Variants in ZCWPW2 observed in about 807,000 individuals in gnomAD.
ZCWPW2 encodes the protein zinc finger CW-type and PWWP domain containing 2, also known as zinc finger CW-type PWWP domain protein 2.
Under a neutral mutation model 46.6 loss-of-function variants are expected in ZCWPW2, and 45 were observed. The observed-to-expected ratio is 0.96, with a 90% CI of 0.76 to 1.24. The LOEUF (loss-of-function observed/expected upper bound fraction) is 1.24, where lower values mean the gene tolerates loss of function less well. ZCWPW2 is among the 50% of genes most tolerant of loss of function. The probability of loss-of-function intolerance (pLI) is 0.00; values close to 1 mark genes in which losing one functional copy is unlikely to be tolerated. For missense variants in ZCWPW2, 429 were observed against 403.9 expected (o/e 1.06, Z -0.53); for synonymous variants, 152 against 137.1 (o/e 1.11, Z -0.76).
chr3:28,490,429 T>G (rs1465172413), intron 5 of ZCWPW2, among the ~76,000 whole-genome samples: 2 of 152,126 alleles, frequency 1.3e-5, no homozygotes. Context: ...TAGATGCCCA[T>G]CAATTGTAGA....
At chr3:28,372,785 G>C (rs34669561) in intron 1 of ZCWPW2, among the ~76,000 whole-genome samples, 2 of 151,956 alleles carry the variant, frequency 1.3e-5, no homozygotes, top group South Asian at 2.1e-4. Context: ...CTACCTCTCC[G>C]TATTTAAAGT....
intron 4 of ZCWPW2, among the ~76,000 whole-genome samples, chr3:28,438,418 C>T (rs748923160): frequency 2.0e-5 from 3 of 152,100 alleles, no homozygotes; most frequent in Non-Finnish European, 2.9e-5. Flanking sequence ...AAAGTGACTG[C>T]GCAGGCAGAG....
intron 6 of ZCWPW2, among the ~76,000 whole-genome samples, chr3:28,505,167 G>C (rs1700243336): frequency 6.6e-6 from 1 of 152,102 alleles, no homozygotes; most frequent in South Asian, 2.1e-4. Flanking sequence ...TCATGTCTCA[G>C]CTCACTGCTT....
chr3:28,437,049 C>G (rs1442736491), intron 4 of ZCWPW2, among the ~76,000 whole-genome samples: 2 of 152,174 alleles, frequency 1.3e-5, no homozygotes, highest in African/African-American at 2.4e-5. Context: ...AATGCTGTCT[C>G]TATACTGCAC....
chr3:28,480,155 A>T (rs1183248829), intron 5 of ZCWPW2, among the ~76,000 whole-genome samples: 1 of 152,164 alleles, frequency 6.6e-6, no homozygotes. Flanking sequence ...ACTGTCTTAC[A>T]CAATGGTTGA....
intron 6 of ZCWPW2, among the ~76,000 whole-genome samples, chr3:28,507,969 C>T (rs2125829197): frequency 6.6e-6 from 1 of 152,066 alleles, no homozygotes; most frequent in Admixed American, 6.6e-5. Flanking sequence ...TTTAGTGTTG[C>T]TATAAAGGAA....
In ZCWPW2 at chr3:28,412,695, A is replaced by G. The variant is rs113529878; in HGVS notation, c.-13-361A>G. Among the ~76,000 whole-genome samples the G allele has an allele frequency of 4.3e-3, 662 of 152,208 alleles. 5 individuals are homozygous for G. The highest frequency in any genetic ancestry group is 0.017 in the Middle Eastern group (5 of 294). ...GCACTTAGAATAATACCTGGTGCATAGTCAGCATTCAGTAAGGCTTAGCTG... is the reference window on the plus strand; with the variant it reads ...GCACTTAGAATAATACCTGGTGCATGGTCAGCATTCAGTAAGGCTTAGCTG... On this transcript the variant is annotated intron_variant, in intron 2 of 9. Coordinates refer to ENST00000383768, the MANE Select transcript of ZCWPW2 (RefSeq NM_001040432.4).
intron 1 of ZCWPW2, among the ~76,000 whole-genome samples, chr3:28,369,052 C>T (rs1181057694): frequency 6.6e-6 from 1 of 152,092 alleles, no homozygotes; most frequent in African/African-American, 2.4e-5. Context: ...TTCTAGTTAG[C>T]CATTCGTCTA....
intron 4 of ZCWPW2, among the ~76,000 whole-genome samples, chr3:28,467,501 G>T (rs1311389298): frequency 7.2e-6 from 1 of 138,314 alleles, no homozygotes; most frequent in Non-Finnish European, 1.5e-5. Flanking sequence ...GAGAACATAG[G>T]CAGTAGCCAG....
At chr3:28,361,531 A>G (rs906507887) in intron 1 of ZCWPW2, among the ~76,000 whole-genome samples, 10 of 152,302 alleles carry the variant, frequency 6.6e-5, no homozygotes, top group Non-Finnish European at 1.5e-4. Context: ...AAAAATAAAC[A>G]AGTGGGACTA....
rs190635482 is a variant in ZCWPW2, at chr3:28,392,894, G to A, written c.-14+2277G>A. On this transcript the variant is annotated intron_variant, in intron 2 of 9. Coordinates refer to ENST00000383768, the MANE Select transcript of ZCWPW2 (RefSeq NM_001040432.4). Reference sequence around the variant, plus strand: ...AAATAAAGTTTACACCTCAAGGAACGAGGAGAAAACAAACAGCCCAAAGTT... The same window carrying A: ...AAATAAAGTTTACACCTCAAGGAACAAGGAGAAAACAAACAGCCCAAAGTT... 2.5e-3 allele frequency among the ~76,000 whole-genome samples: 377 copies of A among 151,880 alleles called. 8 individuals carry two copies. Among genetic ancestry groups the A allele is most frequent in the Non-Finnish European group, 3.4e-4 (23 of 67,912 alleles).
At chr3:28,427,249 A>G (rs1215833033) in intron 3 of ZCWPW2, among the ~76,000 whole-genome samples, 1 of 152,228 alleles carries the variant, frequency 6.6e-6, no homozygotes, top group Non-Finnish European at 1.5e-5. Context: ...TGCACAATGC[A>G]TTATCATGGT....
chr3:28,391,353 C>CCA (rs111706300), intron 2 of ZCWPW2, among the ~76,000 whole-genome samples: 4,761 of 148,684 alleles, frequency 0.032, 224 homozygotes, highest in African/African-American at 0.1. Flanking sequence ...CCTCTCCCTG[C>CCA]CACACACACA....
chr3:28,522,519 T>C (rs1700750288), intron 9 of ZCWPW2, among the ~76,000 whole-genome samples: 1 of 152,302 alleles, frequency 6.6e-6, no homozygotes, highest in East Asian at 1.9e-4. Context: ...GACTGCCCAG[T>C]TGTATGATTT....
At position 28,513,460 on chromosome 3, in the gene ZCWPW2, C is replaced by T. The variant is rs532901789; in HGVS notation, c.658-604C>T. ...TGTCAGACTGCGTACTACCTTATTG[C>T]TTTTGTGTCCCGGTGAGTGAAGTTT... is the stretch of plus-strand genomic sequence containing the variant. On this transcript the variant is annotated intron_variant, in intron 6 of 9. Coordinates refer to ENST00000383768, the MANE Select transcript of ZCWPW2 (RefSeq NM_001040432.4). Among the ~76,000 whole-genome samples the T allele has an allele frequency of 2.5e-4, 38 of 152,190 alleles. No homozygotes were observed. In the South Asian group the frequency reaches 6.4e-3, roughly 26 times the overall value.
intron 1 of ZCWPW2, among the ~76,000 whole-genome samples, chr3:28,355,256 C>T (rs1179534683): frequency 6.6e-6 from 1 of 152,124 alleles, no homozygotes; most frequent in Non-Finnish European, 1.5e-5. Flanking sequence ...ACAATTGCTT[C>T]AAAGAGAATA....
intron 6 of ZCWPW2, among the ~76,000 whole-genome samples, chr3:28,495,232 G>A (rs193047656): frequency 2.8e-4 from 43 of 152,226 alleles, no homozygotes; most frequent in Admixed American, 1.9e-3. Flanking sequence ...TTCACTGGCT[G>A]AATAATGTTC....
chr3:28,483,463 A>C (rs1179956981), intron 5 of ZCWPW2, among the ~76,000 whole-genome samples: 1 of 152,098 alleles, frequency 6.6e-6, no homozygotes, highest in South Asian at 2.1e-4. Flanking sequence ...TGGGTTGGCT[A>C]TTCTGGGTCT....
intron 1 of ZCWPW2, among the ~76,000 whole-genome samples, chr3:28,356,221 C>A (rs930553958): frequency 6.6e-6 from 1 of 152,170 alleles, no homozygotes; most frequent in Non-Finnish European, 1.5e-5. Context: ...CAAAAGAAGA[C>A]GTTTATGCAG....
Sources: gnomAD v4.1 joint callset for allele counts (sites outside exome capture counted in the v4.1 genomes callset) on GRCh38, gnomAD v4.1.1 for gene constraint, MANE v1.5 for transcripts, NCBI Gene and HGNC (gene_info 2026-07-23, HGNC 2026-07-21) for gene names.